MED27: variants seen among roughly 807,000 people sequenced by gnomAD.
MED27 encodes the protein mediator complex subunit 27.
Under a neutral mutation model 38.2 loss-of-function variants are expected in MED27, and 30 were observed. The observed-to-expected ratio is 0.79, with a 90% CI of 0.59 to 1.07. The LOEUF (loss-of-function observed/expected upper bound fraction) is 1.07. Among genes scored for constraint, MED27 ranks in the 50% least tolerant of loss-of-function variants. The pLI, the probability that MED27 is intolerant of heterozygous loss-of-function variation, is 0.00. For synonymous variants in MED27, 122 were observed against 153.5 expected (o/e 0.79, Z 1.52); for missense variants, 289 against 397.5 (o/e 0.73, Z 2.32).
At chr9:131,988,309 G>C (rs1213210153) in intron 3 of MED27, among the ~76,000 whole-genome samples, 2 of 152,088 alleles carry the variant, frequency 1.3e-5, no homozygotes, top group African/African-American at 4.8e-5. Context: ...TCTGGCTCTT[G>C]CCATTTGAAA....
rs564049550 is a variant in MED27 at position 131,881,441 on chromosome 9, G to C, written c.723+2617C>G. Among the ~76,000 whole-genome samples the C allele has an allele frequency of 2.0e-3, 306 of 152,132 alleles. 1 individual carries two copies. Among genetic ancestry groups the C allele is most frequent in the Non-Finnish European group, 3.1e-3 (212 of 68,012 alleles). On this transcript the variant is annotated intron_variant, in intron 6 of 7. Transcript: ENST00000292035. ...GAAGAGAGAGTGGGAGGAAGGGAGGGAAGGAAGGAGGGAGGGAGGAAAGGA... is the reference window on the plus strand; with the variant it reads ...GAAGAGAGAGTGGGAGGAAGGGAGGCAAGGAAGGAGGGAGGGAGGAAAGGA...
chr9:131,955,865 A>C (rs1831085784), intron 3 of MED27, among the ~76,000 whole-genome samples: 5 of 152,214 alleles, frequency 3.3e-5, no homozygotes, highest in Admixed American at 3.3e-4. Context: ...AATATTTCTC[A>C]ACTCATTTAA....
At chr9:131,895,321 C>A (rs1829813439) in intron 4 of MED27, among the ~76,000 whole-genome samples, 1 of 152,182 alleles carries the variant, frequency 6.6e-6, no homozygotes, top group Non-Finnish European at 1.5e-5. Context: ...TTTGACGTCA[C>A]AGAATTTGCT....
intron 4 of MED27, among the ~76,000 whole-genome samples, chr9:131,896,009 C>T (rs536170849): frequency 6.6e-6 from 1 of 152,250 alleles, no homozygotes; most frequent in African/African-American, 2.4e-5. Flanking sequence ...AGCGATTCTC[C>T]TGCCTCGGCC....
At chr9:132,055,118 G>A (rs1176510586) in intron 2 of MED27, among the ~76,000 whole-genome samples, 5 of 152,190 alleles carry the variant, frequency 3.3e-5, no homozygotes, top group African/African-American at 1.2e-4. Context: ...GCCTTCAGTT[G>A]AGCATACATC....
chr9:131,933,494 C>A (rs1194848813), intron 4 of MED27, among the ~76,000 whole-genome samples: 2 of 151,880 alleles, frequency 1.3e-5, no homozygotes, highest in Non-Finnish European at 2.9e-5. Flanking sequence ...AAAAGTAATC[C>A]GATTTAATAG....
chr9:131,892,013 G>A (rs1392940199), intron 5 of MED27, among the ~76,000 whole-genome samples: 1 of 152,182 alleles, frequency 6.6e-6, no homozygotes, highest in Non-Finnish European at 1.5e-5. Context: ...GAAACTGAGT[G>A]TAGGGAGAGA....
intron 2 of MED27, chr9:132,073,768 GAAA>G (rs200460682): frequency 1.8e-5 from 21 of 1,173,048 alleles, no homozygotes; most frequent in Admixed American, 1.5e-4. Flanking sequence ...AATCAAACGT[GAAA>G]AAAAAAAAAG....
intron 2 of MED27, among the ~76,000 whole-genome samples, chr9:132,040,477 C>T (rs541353711): frequency 3.9e-5 from 6 of 152,264 alleles, no homozygotes; most frequent in East Asian, 1.9e-4. Context: ...CATCACCTGA[C>T]GAGAGACTGC....
intron 5 of MED27, among the ~76,000 whole-genome samples, chr9:131,888,364 T>C (rs1369343650): frequency 2.0e-5 from 3 of 152,170 alleles, no homozygotes; most frequent in South Asian, 2.1e-4. Context: ...CAGGTCTGTG[T>C]GCAGAGGCCC....
intron 3 of MED27, 22 bp from the exon 4 acceptor site, chr9:131,939,496 A>G (rs750573943): frequency 1.3e-6 from 2 of 1,502,262 alleles, no homozygotes; most frequent in Non-Finnish European, 1.8e-6. Context: ...AAAAATAAAC[A>G]TGTGTGAACT....
chr9:131,871,923 C>A (rs1312597519), intron 6 of MED27, among the ~76,000 whole-genome samples: 1 of 152,156 alleles, frequency 6.6e-6, no homozygotes, highest in Non-Finnish European at 1.5e-5. Flanking sequence ...ACAGTTCCTG[C>A]CAGGCATTCT....
chr9:132,019,978 G>A (rs1052038679), intron 2 of MED27, among the ~76,000 whole-genome samples: 2 of 152,202 alleles, frequency 1.3e-5, no homozygotes, highest in Non-Finnish European at 2.9e-5. Flanking sequence ...GTGTTAGGTG[G>A]TGAGTTTGAA....
rs1234726697 is a variant in MED27 at position 131,861,693 on chromosome 9, A to C, written c.802-1021T>G. Among the ~76,000 whole-genome samples the C allele has an allele frequency of 2.6e-5, 4 of 152,184 alleles. No homozygotes were observed. Among genetic ancestry groups the C allele is most frequent in the African/African-American group, 9.7e-5 (4 of 41,442 alleles). ...CTCATGTCTGTGCCTCAAATCAATC[A>C]ATCAACAGATTCGTATTAATTAGCT... On this transcript the variant is annotated intron_variant, in intron 7 of 7. Transcript: ENST00000292035. The surrounding 1 kb of genome is among the most constrained non-coding windows in gnomAD (Gnocchi z 4.4).
intron 2 of MED27, among the ~76,000 whole-genome samples, chr9:132,058,763 G>A (rs187088919): frequency 2.0e-4 from 30 of 152,300 alleles, no homozygotes; most frequent in Admixed American, 4.6e-4. Context: ...TACAACTTCA[G>A]TGAAACTGTA....
At chr9:132,056,874 C>T (rs1044042459) in intron 2 of MED27, among the ~76,000 whole-genome samples, 14 of 152,304 alleles carry the variant, frequency 9.2e-5, no homozygotes, top group Non-Finnish European at 1.6e-4. Flanking sequence ...ATTCTTCATT[C>T]GGCTCATATG....
In MED27 at chr9:131,985,697, G is replaced by GT. The variant is rs75420101; in HGVS notation, c.479+28639dup. On this transcript the variant is annotated intron_variant, in intron 3 of 7. Coordinates refer to ENST00000292035, the MANE Select transcript of MED27 (RefSeq NM_004269.4). ...AATTTACTGTACTATAATTTTAATTGTTTTTTTTTTTTAGCATATACTACT... is the reference window on the plus strand; with the variant it reads ...AATTTACTGTACTATAATTTTAATTGTTTTTTTTTTTTTAGCATATACTACT... Among the ~76,000 whole-genome samples the GT allele has an allele frequency of 9.0e-3, 1,225 of 136,408 alleles. 19 individuals carry two copies. The highest frequency in any genetic ancestry group is 0.028 in the African/African-American group (917 of 32,896). The allele number at this position is 136,408 out of a possible 152,430, so 89.5% of individuals were successfully genotyped here. A position where few individuals can be genotyped will look rare whatever the true frequency, so the allele number is the denominator to read the frequency against.
At chr9:131,903,081 C>CG (rs111733185) in intron 4 of MED27, among the ~76,000 whole-genome samples, 30,066 of 152,036 alleles carry the variant, frequency 0.2, 5,790 homozygotes, top group African/African-American at 0.47. Flanking sequence ...GTGGTGGCCA[C>CG]GGGTGTATTA....
chr9:131,980,209 G>GA (rs1282269460), intron 3 of MED27, among the ~76,000 whole-genome samples: 1 of 151,590 alleles, frequency 6.6e-6, no homozygotes, highest in Admixed American at 6.6e-5. Context: ...GAGGCGGGTG[G>GA]CGGGGGGGAG....
Sources: gnomAD v4.1 joint callset for allele counts (sites outside exome capture counted in the v4.1 genomes callset) on GRCh38, gnomAD v4.1.1 for gene constraint, Gnocchi (gnomAD v3.1) non-coding constraint, MANE v1.5 for transcripts, NCBI Gene and HGNC (gene_info 2026-07-23, HGNC 2026-07-21) for gene names.